PJA1: variants seen among roughly 807,000 people sequenced by gnomAD.
PJA1 encodes the protein E3 ubiquitin-protein ligase Praja-1.
PJA1 carries 5 observed loss-of-function variants against 14.1 expected under a neutral mutation model. The observed-to-expected ratio is 0.35, with a 90% CI of 0.18 to 0.74. The LOEUF (loss-of-function observed/expected upper bound fraction) is 0.74, where lower values mean the gene tolerates loss of function less well. Ranked by LOEUF, PJA1 falls within the 30% of genes least tolerant of loss-of-function variation. The pLI, the probability that PJA1 is intolerant of heterozygous loss-of-function variation, is 0.56. For missense variants in PJA1, 394 were observed against 482.6 expected (o/e 0.82, Z 1.72); for synonymous variants, 174 against 190.9 (o/e 0.91, Z 0.73).
rs760431439 is a variant in PJA1 at position 69,161,553 on chromosome X, T to C, written c.1521A>G (p.Val507=). 2 of 1,211,298 alleles carry C rather than the reference T, an allele frequency of 1.7e-6. No individual in the cohort carries two copies. The highest frequency in any genetic ancestry group is 2.2e-6 in the Non-Finnish European group (2 of 895,366). The change falls in exon 2 of 2, where the codon GTA becomes GTG. Residue 507 remains valine, a synonymous_variant. Transcript: ENST00000374571. ...LAHLESLAVD[V]EVANPPASKE... is the part of the protein sequence containing the mutation. ...TGCTTGCTGGTGGATTGGCCACCTC[T>C]ACATCCACTGCGAGAGACTCCAAGT...
At chrX:69,164,756 A>AGGGGGGGGGGGGG (rs1426871271) in intron 1 of PJA1, among the ~76,000 whole-genome samples, 1 of 5,709 alleles carries the variant, frequency 1.8e-4, no homozygotes, top group Non-Finnish European at 3.4e-4. Context: ...GGTGGGGGGT[A>AGGGGGGGGGGGGG]GGGGGGACGC....
At chrX:69,165,065 G>A (rs1569210662) in intron 1 of PJA1, among the ~76,000 whole-genome samples, 2 of 111,114 alleles carry the variant, frequency 1.8e-5, no homozygotes, top group Admixed American at 1.9e-4. Context: ...AGAAGTGGGA[G>A]AGGGCCGCGA....
chrX:69,163,829 T>G (rs1445886802), intron 1 of PJA1, among the ~76,000 whole-genome samples: 1 of 109,522 alleles, frequency 9.1e-6, no homozygotes, highest in East Asian at 2.9e-4. Context: ...GGGGAAAGGG[T>G]ATGAGTGTTA....
Position 69,161,635 on chromosome X carries a change from A to G in PJA1, c.1439T>C (p.Leu480Pro). 2 of 1,211,550 alleles carry G rather than the reference A, an allele frequency of 1.7e-6. No homozygotes were observed. Among genetic ancestry groups the G allele is most frequent in the Non-Finnish European group, 2.2e-6 (2 of 895,484 alleles). Reference protein sequence around the residue: ...EAISYVDPQFLTYMALEERLA... With the variant: ...EAISYVDPQFPTYMALEERLA... ...GCGTTCTTCAAGTGCCATGTAGGTG[A>G]GGAACTGAGGGTCCACATAGGAAAT... Residue 480 changes from leucine (L) to proline (P), a missense_variant, in exon 2 of 2, where the codon CTC (leucine) becomes CCC (proline). By Grantham distance (98) the Leu-to-Pro change is moderately conservative. This residue lies in a region of PJA1 where 378 missense variants were observed against 439.3 expected (regional missense o/e 0.86). Transcript: ENST00000374571.
At position 69,162,183 on chromosome X, in the gene PJA1, C is replaced by T. The variant is rs778638830; in HGVS notation, c.891G>A (p.Thr297=). Residue 297 remains threonine, a synonymous_variant, in exon 2 of 2, where the codon ACG becomes ACA. Transcript: ENST00000374571. ...RRTMADPDFW[T]HSDDYYKYCD... ...AGTATTTGTAGTAATCATCACTGTG[C>T]GTCCAGAAGTCAGGGTCGGCCATGG... 5.0e-6 allele frequency: 6 copies of T among 1,209,050 alleles called. No individual in the cohort carries two copies. Among genetic ancestry groups the T allele is most frequent in the African/African-American group, 1.8e-5 (1 of 56,879 alleles).
intron 1 of PJA1, among the ~76,000 whole-genome samples, chrX:69,164,869 C>G (rs1925222552): frequency 9.0e-6 from 1 of 111,387 alleles, no homozygotes; most frequent in Admixed American, 9.4e-5. Context: ...GTGCGTGGGT[C>G]TAGTTTTCCC....
Sources: allele counts gnomAD v4.1 joint callset (sites outside exome capture counted in the v4.1 genomes callset), GRCh38; gene constraint gnomAD v4.1.1; regional missense constraint gnomAD v4.1.1; transcripts MANE v1.5; gene names NCBI Gene and HGNC (gene_info 2026-07-23, HGNC 2026-07-21).